Variants in EIF4E3 observed in about 807,000 individuals in gnomAD.
EIF4E3 encodes eukaryotic translation initiation factor 4E family member 3.
Under a neutral mutation model 31.7 loss-of-function variants are expected in EIF4E3, and 26 were observed. That is an observed-to-expected ratio of 0.82 (90% CI 0.60 to 1.14). The LOEUF (loss-of-function observed/expected upper bound fraction) is 1.14, where lower values mean the gene tolerates loss of function less well. Among genes scored for constraint, EIF4E3 ranks in the 50% most tolerant of loss-of-function variants. EIF4E3 has a pLI of 0.00. For missense variants in EIF4E3, 304 were observed against 270.9 expected (o/e 1.12, Z -0.86); for synonymous variants, 128 against 107.7 (o/e 1.19, Z -1.17).
At chr3:71,723,111 C>CAG (rs975414262) in intron 1 of EIF4E3, among the ~76,000 whole-genome samples, 1 of 152,170 alleles carries the variant, frequency 6.6e-6, no homozygotes, top group African/African-American at 2.4e-5. Flanking sequence ...TCTTGCCAGG[C>CAG]AGACATTGGC....
intron 1 of EIF4E3, among the ~76,000 whole-genome samples, chr3:71,736,449 AC>A (rs1368834713): frequency 6.6e-6 from 1 of 152,238 alleles, no homozygotes; most frequent in Admixed American, 6.5e-5. Context: ...GTACATCCAG[AC>A]AATGGAATAT....
chr3:71,754,444 A>G, upstream of EIF4E3: 1 of 1,344,296 alleles, frequency 7.4e-7, no homozygotes, highest in Non-Finnish European at 9.6e-7. This position sits in a 1 kb window ranked among gnomAD's most constrained non-coding sequence, Gnocchi z 5.8. Flanking sequence ...TTCTATGCAG[A>G]GCGCCTGGCC....
chr3:71,720,019 A>T (rs898021874), intron 1 of EIF4E3, among the ~76,000 whole-genome samples: 1 of 151,844 alleles, frequency 6.6e-6, no homozygotes, highest in African/African-American at 2.4e-5. Flanking sequence ...CTCAAAATAT[A>T]TATATATATT....
chr3:71,736,780 T>C (rs1284570487), intron 1 of EIF4E3, among the ~76,000 whole-genome samples: 1 of 152,140 alleles, frequency 6.6e-6, no homozygotes, highest in Non-Finnish European at 1.5e-5. Flanking sequence ...AATCCGAGAG[T>C]GAGCCCTAAT....
At chr3:71,733,866 G>A (rs115277609) in intron 1 of EIF4E3, among the ~76,000 whole-genome samples, 114 of 150,082 alleles carry the variant, frequency 7.6e-4, no homozygotes, top group Non-Finnish European at 1.3e-3. Flanking sequence ...AAAGGAAGCT[G>A]CATTATTTGT....
chr3:71,719,516 G>C (rs936392681), intron 1 of EIF4E3, among the ~76,000 whole-genome samples: 32 of 150,500 alleles, frequency 2.1e-4, no homozygotes, highest in African/African-American at 7.6e-4. Context: ...AGCTGTATAT[G>C]ATGGCTCACC....
chr3:71,673,303 G>T (rs576129896), downstream of EIF4E3, among the ~76,000 whole-genome samples: 16 of 152,258 alleles, frequency 1.1e-4, no homozygotes, highest in East Asian at 2.9e-3. Flanking sequence ...TATTTCACAT[G>T]CTGGTGCACA....
At chr3:71,668,223 C>G in the EIF4E3 span, among the ~76,000 whole-genome samples, 20 of 152,112 alleles carry the variant, frequency 1.3e-4, no homozygotes, top group Admixed American at 3.9e-4. Context: ...GAAACTGGAC[C>G]CCTTCCTTAC....
rs1026942122 is a variant in EIF4E3, at chr3:71,725,282, T to TCGGGGG, written c.80_85dup (p.Ala27_Pro28dup). On this transcript the variant is annotated inframe_insertion, in exon 1 of 7. Coordinates refer to ENST00000425534, the MANE Select transcript of EIF4E3 (RefSeq NM_001134651.2). The surrounding 1 kb of genome is among the most constrained non-coding windows in gnomAD (Gnocchi z 6.1). Reference sequence around the variant, plus strand: ...CAGCTGCTGCAGGCCGAGCGGCGGCTCGGGGGCGGCGGCAGCGGCGGCGGC... The same window carrying TCGGGGG: ...CAGCTGCTGCAGGCCGAGCGGCGGCTCGGGGGCGGGGGCGGCGGCAGCGGCGGCGGC... 61 of 1,014,366 alleles carry TCGGGGG rather than the reference T, an allele frequency of 6.0e-5. No homozygotes were observed. The highest frequency in any genetic ancestry group is 6.8e-5 in the Non-Finnish European group (58 of 851,078). The allele number at this position is 1,014,366 out of a possible 1,614,324, so 62.8% of individuals were successfully genotyped here.
intron 1 of EIF4E3, among the ~76,000 whole-genome samples, chr3:71,742,442 T>C (rs1291664647): frequency 1.3e-5 from 2 of 152,040 alleles, no homozygotes; most frequent in African/African-American, 4.8e-5. Context: ...CTTGGTAAAA[T>C]ATATAACTTG....
At chr3:71,722,978 G>C (rs1275769609) in intron 1 of EIF4E3, among the ~76,000 whole-genome samples, 1 of 152,246 alleles carries the variant, frequency 6.6e-6, no homozygotes, top group Non-Finnish European at 1.5e-5. Context: ...GGGGCAGCTA[G>C]ATGGCTTGCT....
chr3:71,666,175 T>C, the EIF4E3 span, among the ~76,000 whole-genome samples: 1 of 151,990 alleles, frequency 6.6e-6, no homozygotes, highest in African/African-American at 2.4e-5. Flanking sequence ...TTTGAAAAGA[T>C]TAACAAAACA....
At chr3:71,671,366 T>G (rs1267934737), downstream of EIF4E3, among the ~76,000 whole-genome samples, 1 of 151,900 alleles carries the variant, frequency 6.6e-6, no homozygotes, top group Non-Finnish European at 1.5e-5. Context: ...TGGCCGCGGC[T>G]TGGAGCACCC....
At chr3:71,746,680 C>A (rs1019754636) in intron 1 of EIF4E3, among the ~76,000 whole-genome samples, 17 of 152,150 alleles carry the variant, frequency 1.1e-4, no homozygotes, top group African/African-American at 4.1e-4. Context: ...TTTGATAATT[C>A]TGTTTTCTTA....
rs556210411 is a variant in EIF4E3 at position 71,679,134 on chromosome 3, T to C, written c.*5548A>G. On this transcript the variant is annotated 3_prime_UTR_variant, in exon 7 of 7. Transcript: ENST00000425534. ...AAACACTGTAAGTTTATTAAAATGT[T>C]CAAAGTCCTTTAATATTCACCATTC... 3.3e-5 allele frequency: 5 copies of C among 152,314 alleles called. No homozygotes were observed. In the East Asian group the frequency reaches 9.7e-4, roughly 29 times the overall value. 9.4% of individuals were successfully genotyped at this position (152,314 alleles called of 1,614,324 possible).
At chr3:71,728,973 C>T (rs2049672616), upstream of EIF4E3, 1 of 152,324 alleles carries the variant, frequency 6.6e-6, no homozygotes, top group Admixed American at 6.5e-5. Context: ...CTAGGGCTGC[C>T]TCAGGGAGGC....
At position 71,679,230 on chromosome 3, in the gene EIF4E3, G is replaced by A. The variant is rs1476546789; in HGVS notation, c.*5452C>T. The stretch of plus-strand genomic sequence containing the variant: ...TTCATTAAAAGTTGCTTATTTGTAT[G>A]TGAAAAGATGAGAGGTAGCATAAAT... On this transcript the variant is annotated 3_prime_UTR_variant, in exon 7 of 7. Coordinates refer to ENST00000425534, the MANE Select transcript of EIF4E3 (RefSeq NM_001134651.2). 6.6e-6 allele frequency: 1 copy of A among 152,144 alleles called. No individual in the cohort carries two copies. Among genetic ancestry groups the A allele is most frequent in the African/African-American group, 2.4e-5 (1 of 41,446 alleles). The allele number at this position is 152,144 out of a possible 1,614,324, so 9.4% of individuals were successfully genotyped here. A position where few individuals can be genotyped will look rare whatever the true frequency, so the allele number is the denominator to read the frequency against.
At chr3:71,754,206 C>G, upstream of EIF4E3, 1 of 1,406,658 alleles carries the variant, frequency 7.1e-7, no homozygotes, top group Non-Finnish European at 9.4e-7. The surrounding 1 kb of genome is among the most constrained non-coding windows in gnomAD (Gnocchi z 5.8). Context: ...GCACCGCGCC[C>G]CGTACTACCT....
chr3:71,749,262 T>A (rs1486905746), intron 1 of EIF4E3, among the ~76,000 whole-genome samples: 2 of 152,224 alleles, frequency 1.3e-5, no homozygotes, highest in Non-Finnish European at 2.9e-5. Context: ...CTGGTTCATG[T>A]ACAACTACCA....
Sources: gnomAD v4.1 joint callset for allele counts (sites outside exome capture counted in the v4.1 genomes callset) on GRCh38, gnomAD v4.1.1 for gene constraint, Gnocchi (gnomAD v3.1) non-coding constraint, MANE v1.5 for transcripts, NCBI Gene and HGNC (gene_info 2026-07-23, HGNC 2026-07-21) for gene names.